The following MYH1 variants were observed in gnomAD, a reference collection of about 807,000 sequenced individuals.
MYH1 encodes the protein myosin-1.
A neutral mutation model predicts 225.6 loss-of-function variants in MYH1; 214 were observed. That is an observed-to-expected ratio of 0.95 (90% CI 0.85 to 1.06). MYH1 has a LOEUF of 1.06. MYH1 is among the 50% of genes least tolerant of loss of function. The pLI, the probability that MYH1 is intolerant of heterozygous loss-of-function variation, is 0.00. For synonymous variants in MYH1, 774 were observed against 842.3 expected, an observed-to-expected ratio of 0.92 and a Z score of 1.40; for missense variants, 2,098 against 2,344.2, an observed-to-expected ratio of 0.89 and a Z score of 2.17.
chr17:10,504,990 A>C lies in MYH1; in HGVS notation c.2511T>G (p.Tyr837Ter), dbSNP rs779644886. ...NVKHWPWMKL[Y>*]FKIKPLLKSA... ...TTTTGAGGAGGGGTTTGATCTTGAA[A>C]TACAGCTTCATCCAGGGCCAGTGCT... The change falls in exon 22 of 40, where the codon TAT (tyrosine) becomes TAG (stop). Residue 837 changes from tyrosine to a stop codon, truncating the protein, a stop_gained. Coordinates refer to ENST00000226207, the MANE Select transcript of MYH1 (RefSeq NM_005963.4). LOFTEE classifies it high-confidence loss of function. The C allele has an allele frequency of 6.2e-7, 1 of 1,614,160 alleles. No homozygotes were observed. Among genetic ancestry groups the C allele is most frequent in the Non-Finnish European group, 8.5e-7 (1 of 1,180,038 alleles).
In MYH1 at chr17:10,493,440, T is replaced by C. The variant is rs144890792; in HGVS notation, c.5668-872A>G. 5.5e-3 allele frequency among the ~76,000 whole-genome samples: 832 copies of C among 152,330 alleles called. 14 individuals are homozygous for C. Among genetic ancestry groups the C allele is most frequent in the Admixed American group, 0.026 (404 of 15,306 alleles). ...AACAGAGGAACTCATTTGTGATATG[T>C]AACTATGAATATTTATATGTAGGAA... is the stretch of plus-strand genomic sequence containing the variant. On this transcript the variant is annotated intron_variant, in intron 39 of 39. Transcript: ENST00000226207.
chr17:10,498,961 A>G lies in MYH1; in HGVS notation c.3984+13T>C. On this transcript the variant is annotated intron_variant, in intron 29 of 39. Coordinates refer to ENST00000226207, the MANE Select transcript of MYH1 (RefSeq NM_005963.4). The stretch of plus-strand genomic sequence containing the variant: ...CAAGAACAATAATGACAAGAATGAC[A>G]AGTGGAGCTTACCTTTATCTCCTCT... 2 of 1,606,282 alleles carry G rather than the reference A, an allele frequency of 1.2e-6. No individual in the cohort carries two copies. The highest frequency in any genetic ancestry group is 1.7e-6 in the Non-Finnish European group (2 of 1,173,806).
In MYH1 at chr17:10,516,242, A is replaced by C; in HGVS notation, c.305T>G (p.Val102Gly). The C allele has an allele frequency of 6.2e-7, 1 of 1,614,236 alleles. No individual in the cohort carries two copies. The highest frequency in any genetic ancestry group is 1.1e-5 in the South Asian group (1 of 91,074). ...GTAGCGCTCTTTGAGGTTGTACAGC[A>C]CAGCAGGCTCGTGTAGATGAGTCAT... ...AMMTHLHEPA[V>G]LYNLKERYAA... The change falls in exon 4 of 40, where the codon GTG becomes GGG. Residue 102 changes from valine to glycine, a missense_variant. Val to Gly is a moderately radical substitution (Grantham distance 109). Coordinates refer to ENST00000226207, the MANE Select transcript of MYH1 (RefSeq NM_005963.4).
intron 14 of MYH1, among the ~76,000 whole-genome samples, chr17:10,510,949 CAAA>C (rs879854960): frequency 7.3e-6 from 1 of 136,854 alleles, no homozygotes. Context: ...GCTGTTACTT[CAAA>C]AAAAAAAAAA....
chr17:10,495,527 C>T (rs776328850), intron 35 of MYH1, among the ~76,000 whole-genome samples: 16 of 151,562 alleles, frequency 1.1e-4, no homozygotes, highest in Non-Finnish European at 1.8e-4. Context: ...TTTGGGAGGC[C>T]GAGGCGGGTG....
rs2073006940 is a variant in MYH1, at chr17:10,497,336, T to A, written c.4482A>T (p.Glu1494Asp). 1 of 1,612,492 alleles carries A rather than the reference T, an allele frequency of 6.2e-7. No individual in the cohort carries two copies. The highest frequency in any genetic ancestry group is 1.3e-5 in the African/African-American group (1 of 74,848). ...ELFKIKNAYEESLDQLETLKR... is the reference protein window; with the variant it reads ...ELFKIKNAYEDSLDQLETLKR... The stretch of plus-strand genomic sequence containing the variant: ...TCAAGGTTTCAAGTTGGTCTAAAGA[T>A]TCCTCATAAGCATTCTTAATCTTAA... The change falls in exon 32 of 40, where the codon GAA (glutamate) becomes GAT (aspartate). Residue 1494 changes from glutamate (E) to aspartate (D), a missense_variant. Coordinates refer to ENST00000226207, the MANE Select transcript of MYH1 (RefSeq NM_005963.4).
rs1597438449 is a variant in MYH1 at position 10,503,303 on chromosome 17, G to T, written c.2692-55C>A. The T allele has an allele frequency of 1.9e-6, 3 of 1,583,468 alleles. No homozygotes were observed. In the East Asian group the frequency reaches 6.7e-5, roughly 35 times the overall value. On this transcript the variant is annotated intron_variant, in intron 22 of 39. Transcript: ENST00000226207. ...TTATGAAAATTCCTAGACATTTTCA[G>T]ATTTTATTAATATTTTGAAACCAAA...
rs878866658 is a variant in MYH1, at chr17:10,508,017, T to G, written c.1898-61A>C. The G allele has an allele frequency of 6.7e-3, 7,642 of 1,140,012 alleles. 3 individuals are homozygous for G. Among genetic ancestry groups the G allele is most frequent in the East Asian group, 0.026 (728 of 28,198 alleles). The allele number at this position is 1,140,012 out of a possible 1,614,324, so 70.6% of individuals were successfully genotyped here. A position where few individuals can be genotyped will look rare whatever the true frequency, so the allele number is the denominator to read the frequency against. ...TTCTCTGGTTATGGTTTTTTTTTTT[T>G]GTTTTTTTTTGTTTTTTTTGACGAA... On this transcript the variant is annotated intron_variant, in intron 16 of 39. Transcript: ENST00000226207.
chr17:10,502,939 A>G (rs1378550733), intron 23 of MYH1, 25 bp from the exon 24 acceptor site: 2 of 1,614,050 alleles, frequency 1.2e-6, no homozygotes, highest in African/African-American at 2.7e-5. Context: ...AAAGCAGCTT[A>G]GTTGCTCTAA....
In MYH1 at chr17:10,500,754, T is replaced by G. The variant is rs1323031520; in HGVS notation, c.3739-2A>C. 1 of 1,614,122 alleles carries G rather than the reference T, an allele frequency of 6.2e-7. No individual in the cohort carries two copies. The highest frequency in any genetic ancestry group is 8.5e-7 in the Non-Finnish European group (1 of 1,180,010). On this transcript the variant is annotated splice_acceptor_variant, in intron 27 of 39. Transcript: ENST00000226207. LOFTEE classifies it high-confidence loss of function. ...GCGGCACATCTTTTCAAGGTTTCCC[T>G]GCATTCAAAAAGTGGTAGAAGGCAT... is the stretch of plus-strand genomic sequence containing the variant.
At chr17:10,514,946 A>C in intron 5 of MYH1, 51 bp from the exon 6 acceptor site, 2 of 1,542,546 alleles carry the variant, frequency 1.3e-6, no homozygotes. Context: ...ACACAAACAA[A>C]ACTTTCTATA....
chr17:10,500,360 CTT>C (rs1293237373), intron 28 of MYH1, among the ~76,000 whole-genome samples: 1 of 149,872 alleles, frequency 6.7e-6, no homozygotes, highest in Non-Finnish European at 1.5e-5. Context: ...CTCTCTCTCT[CTT>C]TATATATATA....
rs1328756071 is a variant in MYH1 at position 10,497,829 on chromosome 17, T to A, written c.4270A>T (p.Arg1424Trp). ...AGGTCCTCAACTTCATTCTGGAGCC[T>A]CTGCTTCGTCTTCTCAAGGGAAGCA... ...KCASLEKTKQRLQNEVEDLMI... is the reference protein window; with the variant it reads ...KCASLEKTKQWLQNEVEDLMI... Residue 1424 changes from arginine to tryptophan, a missense_variant, in exon 31 of 40, where the codon AGG becomes TGG. Coordinates refer to ENST00000226207, the MANE Select transcript of MYH1 (RefSeq NM_005963.4). 1.2e-6 allele frequency: 2 copies of A among 1,613,976 alleles called. No individual in the cohort carries two copies. The highest frequency in any genetic ancestry group is 2.7e-5 in the African/African-American group (2 of 74,922).
chr17:10,511,142 A>T (rs2073167020), intron 14 of MYH1, among the ~76,000 whole-genome samples: 1 of 151,698 alleles, frequency 6.6e-6, no homozygotes, highest in Non-Finnish European at 1.5e-5. Context: ...GTCCGTACAC[A>T]GATAAAAGTT....
rs1472853657 is a variant in MYH1 at position 10,511,940 on chromosome 17, A to G, written c.1315T>C (p.Phe439Leu). The change falls in exon 14 of 40, where the codon TTC becomes CTC. Residue 439 changes from phenylalanine (F) to leucine (L), a missense_variant. Physicochemically the swap from Phe to Leu is conservative, Grantham distance 22 (BLOSUM62 0). Transcript: ENST00000226207. ...ALAKAVYDKM[F>L]LWMVTRINQQ... is the part of the protein sequence containing the mutation. ...TTGATGCGGGTGACCATCCACAAGAACATCTTATCGTAGACAGCTTTGGCC... is the reference window on the plus strand; with the variant it reads ...TTGATGCGGGTGACCATCCACAAGAGCATCTTATCGTAGACAGCTTTGGCC... The G allele has an allele frequency of 6.2e-7, 1 of 1,614,194 alleles. No homozygotes were observed. Among genetic ancestry groups the G allele is most frequent in the East Asian group, 2.2e-5 (1 of 44,884 alleles).
In MYH1 at chr17:10,514,262, C is replaced by T. The variant is rs2073203672; in HGVS notation, c.534-138G>A. ...AGCCTACATATAGCTCGTATTATTT[C>T]TTTTGCTTTGCACTGGCAAGAAGTA... is the stretch of plus-strand genomic sequence containing the variant. On this transcript the variant is annotated intron_variant, in intron 6 of 39. Transcript: ENST00000226207. 5.6e-6 allele frequency: 6 copies of T among 1,062,578 alleles called. No individual in the cohort carries two copies. The Admixed American group carries it at 8.0e-5, about 14-fold the overall frequency. 65.8% of individuals were successfully genotyped at this position (1,062,578 alleles called of 1,614,324 possible).
chr17:10,497,342 A>G lies in MYH1; in HGVS notation c.4476T>C (p.Tyr1492=), dbSNP rs1555566030. The G allele has an allele frequency of 6.2e-7, 1 of 1,613,300 alleles. No homozygotes were observed. The highest frequency in any genetic ancestry group is 8.5e-7 in the Non-Finnish European group (1 of 1,179,832). Residue 1492 remains tyrosine (Y), a synonymous_variant, in exon 32 of 40, where the codon TAT becomes TAC. Coordinates refer to ENST00000226207, the MANE Select transcript of MYH1 (RefSeq NM_005963.4). ...TTTCAAGTTGGTCTAAAGATTCCTCATAAGCATTCTTAATCTTAAATAGTT... is the reference window on the plus strand; with the variant it reads ...TTTCAAGTTGGTCTAAAGATTCCTCGTAAGCATTCTTAATCTTAAATAGTT... The part of the protein sequence containing the change: ...STELFKIKNA[Y]EESLDQLETL...
At position 10,501,684 on chromosome 17, in the gene MYH1, C is replaced by A. The variant is rs1262277285; in HGVS notation, c.3258G>T (p.Lys1086Asn). ...DKQQLDEKLK[K>N]KEFEMSGLQS... ...GCAGACCGCTCATTTCAAACTCTTT[C>A]CTATTAGAAAAGCCCTTTATGTCAG... The change falls in exon 26 of 40, where the codon AAG (lysine) becomes AAT (asparagine). Residue 1086 changes from lysine (K) to asparagine (N), a missense_variant and splice_region_variant. Lys to Asn is a moderately conservative substitution (Grantham distance 94). Coordinates refer to ENST00000226207, the MANE Select transcript of MYH1 (RefSeq NM_005963.4). 1.2e-6 allele frequency: 2 copies of A among 1,614,038 alleles called. No homozygotes were observed. Among genetic ancestry groups the A allele is most frequent in the African/African-American group, 2.7e-5 (2 of 74,910 alleles).
intron 2 of MYH1, among the ~76,000 whole-genome samples, chr17:10,517,735 T>G (rs1487684287): frequency 6.6e-6 from 1 of 152,098 alleles, no homozygotes; most frequent in African/African-American, 2.4e-5. Flanking sequence ...TGTGTATATA[T>G]TCGTTAATTT....
Sources: allele counts gnomAD v4.1 joint callset (sites outside exome capture counted in the v4.1 genomes callset), GRCh38; gene constraint gnomAD v4.1.1; transcripts MANE v1.5; gene names NCBI Gene and HGNC (gene_info 2026-07-23, HGNC 2026-07-21).